TACC1: variants seen among roughly 807,000 people sequenced by gnomAD.
TACC1 encodes the protein transforming acidic coiled-coil containing protein 1.
Under a neutral mutation model 84.4 loss-of-function variants are expected in TACC1, and 48 were observed. The ratio of observed to expected loss-of-function variants is 0.57; its 90% CI spans 0.45 to 0.72. The LOEUF (loss-of-function observed/expected upper bound fraction) is 0.72, where lower values mean the gene tolerates loss of function less well. Ranked by LOEUF, TACC1 falls within the 30% of genes least tolerant of loss-of-function variation. TACC1 has a pLI of 0.00. For synonymous variants in TACC1, 372 were observed against 376.3 expected, an observed-to-expected ratio of 0.99 and a Z score of 0.13; for missense variants, 920 against 973.0, an observed-to-expected ratio of 0.95 and a Z score of 0.72.
chr8:38,808,338 C>A (rs888178569), intron 2 of TACC1, among the ~76,000 whole-genome samples: 23 of 152,200 alleles, frequency 1.5e-4, no homozygotes, highest in African/African-American at 5.5e-4. Context: ...GGACCTGGAG[C>A]CTACTGAGGA....
At position 38,828,443 on chromosome 8, in the gene TACC1, A is replaced by G. The variant is rs142120933; in HGVS notation, c.1660+1068A>G. 8.6e-3 allele frequency among the ~76,000 whole-genome samples: 1,313 copies of G among 152,358 alleles called. 8 individuals carry two copies. Among genetic ancestry groups the G allele is most frequent in the Non-Finnish European group, 0.014 (946 of 68,038 alleles). ...TTACATGACATTAGAGCCTCCAGAA[A>G]TGAAGACCCAAAGGAACAGGGAAAA... On this transcript the variant is annotated intron_variant, in intron 5 of 12. Transcript: ENST00000317827.
At chr8:38,780,329 C>T (rs1815682854) in intron 3 of TACC1, among the ~76,000 whole-genome samples, 1 of 152,122 alleles carries the variant, frequency 6.6e-6, no homozygotes, top group South Asian at 2.1e-4. Flanking sequence ...CTTCCTTCTC[C>T]TTACATATTG....
In TACC1 at chr8:38,788,686, A is replaced by G. The variant is rs770338447; in HGVS notation, c.162-18A>G. 5.7e-6 allele frequency: 9 copies of G among 1,586,694 alleles called. No individual in the cohort carries two copies. The highest frequency in any genetic ancestry group is 4.5e-5 in the East Asian group (2 of 44,760). ...ATACCGTTGAAAGTGGTAATTCCTC[A>G]TTTTTCCTCCTTGGCAGCTCGGATT... is the stretch of plus-strand genomic sequence containing the variant. On this transcript the variant is annotated intron_variant, in intron 1 of 12. Coordinates refer to ENST00000317827, the MANE Select transcript of TACC1 (RefSeq NM_006283.3).
upstream of TACC1, among the ~76,000 whole-genome samples, chr8:38,785,169 C>T (rs537945406): frequency 6.6e-6 from 1 of 152,218 alleles, no homozygotes; most frequent in South Asian, 2.1e-4. Flanking sequence ...TCCAGGAATT[C>T]GCAAAGCTCC....
chr8:38,837,805 AAGCCC>A (rs1830516000), intron 7 of TACC1, among the ~76,000 whole-genome samples: 1 of 152,226 alleles, frequency 6.6e-6, no homozygotes, highest in South Asian at 2.1e-4. Context: ...CTGCCCATGC[AAGCCC>A]AGCCCAGGGC....
chr8:38,805,914 T>A (rs1343728097), intron 2 of TACC1, among the ~76,000 whole-genome samples: 2 of 152,212 alleles, frequency 1.3e-5, no homozygotes, highest in South Asian at 4.1e-4. Context: ...CCTTTGTGTG[T>A]CTTATGTGGC....
intron 1 of TACC1, among the ~76,000 whole-genome samples, chr8:38,740,788 T>G (rs1806906560): frequency 6.6e-6 from 1 of 152,168 alleles, no homozygotes. Flanking sequence ...AGGCACAGAG[T>G]CATTTTAGTG....
Position 38,827,247 on chromosome 8 carries a change from C to T in TACC1, c.1532C>T (p.Ser511Phe), listed in dbSNP as rs200725219. 8.3e-5 allele frequency: 134 copies of T among 1,614,172 alleles called. 3 individuals carry two copies. In the Middle Eastern group the frequency reaches 2.0e-3, roughly 24 times the overall value. Residue 511 changes from serine to phenylalanine, a missense_variant, in exon 5 of 13, where the codon TCC (serine) becomes TTC (phenylalanine). By Grantham distance (155) the Ser-to-Phe change is radical. This residue lies in a region of TACC1 where 762 missense variants were observed against 747.3 expected (regional missense o/e 1.02). Coordinates refer to ENST00000317827, the MANE Select transcript of TACC1 (RefSeq NM_006283.3). Reference sequence around the variant, plus strand: ...GCTACTGATGAGGAGAAACTGGCATCCACGTCATGTGGTCAGAAATCAGCT... The same window carrying T: ...GCTACTGATGAGGAGAAACTGGCATTCACGTCATGTGGTCAGAAATCAGCT... ...GHATDEEKLASTSCGQKSAGA... is the reference protein window; with the variant it reads ...GHATDEEKLAFTSCGQKSAGA...
At position 38,806,475 on chromosome 8, in the gene TACC1, T is replaced by A. The variant is rs891019117; in HGVS notation, c.278-13047T>A. Among the ~76,000 whole-genome samples, 56 of 151,486 alleles carry A rather than the reference T, an allele frequency of 3.7e-4. 1 individual carries two copies. The highest frequency in any genetic ancestry group is 5.8e-4 in the East Asian group (3 of 5,170). Reference sequence around the variant, plus strand: ...GTGTGTGTGTGTATGTGTGTGTGTGTGAGAGAGAGAGAAAGAGAGAGAGGG... The same window carrying A: ...GTGTGTGTGTGTATGTGTGTGTGTGAGAGAGAGAGAGAAAGAGAGAGAGGG... On this transcript the variant is annotated intron_variant, in intron 2 of 12. Coordinates refer to ENST00000317827, the MANE Select transcript of TACC1 (RefSeq NM_006283.3).
chr8:38,788,536 C>G, intron 1 of TACC1, 168 bp from the exon 2 acceptor site: 1 of 554,116 alleles, frequency 1.8e-6, no homozygotes, highest in South Asian at 2.3e-5. Context: ...AAGGAGGGCA[C>G]TGCTCAGAGA....
At chr8:38,731,250 G>A (rs539625142) in intron 1 of TACC1, among the ~76,000 whole-genome samples, 1 of 152,138 alleles carries the variant, frequency 6.6e-6, no homozygotes, top group Admixed American at 6.5e-5. Flanking sequence ...AGGTGGTAAG[G>A]TTCAATGGGA....
At chr8:38,834,283 A>T (rs560671013) in intron 6 of TACC1, among the ~76,000 whole-genome samples, 1 of 152,364 alleles carries the variant, frequency 6.6e-6, no homozygotes, top group Non-Finnish European at 1.5e-5. Context: ...TGGCAGAGAC[A>T]TCGGCTCCTT....
At chr8:38,810,107 CTTTT>C (rs1329903680) in intron 2 of TACC1, among the ~76,000 whole-genome samples, 1 of 151,732 alleles carries the variant, frequency 6.6e-6, no homozygotes, top group Non-Finnish European at 1.5e-5. Context: ...TCCTCTTTTT[CTTTT>C]TTTCTTTTTT....
rs1223434026 is a variant in TACC1 at position 38,820,055 on chromosome 8, T to C, written c.811T>C (p.Leu271=). The C allele has an allele frequency of 1.2e-6, 2 of 1,613,702 alleles. No individual in the cohort carries two copies. Among genetic ancestry groups the C allele is most frequent in the South Asian group, 1.1e-5 (1 of 91,056 alleles). ...KASYHFSPEE[L]DENTSPLLGD... is the part of the protein sequence containing the mutation. ...ATCCTATCACTTCAGTCCTGAAGAG[T>C]TGGATGAGAACACAAGTCCTTTGCT... Residue 271 remains leucine (L), a synonymous_variant, in exon 3 of 13, where the codon TTG becomes CTG. Coordinates refer to ENST00000317827, the MANE Select transcript of TACC1 (RefSeq NM_006283.3).
At chr8:38,749,344 A>G (rs1563252069) in intron 3 of TACC1, among the ~76,000 whole-genome samples, 1 of 152,224 alleles carries the variant, frequency 6.6e-6, no homozygotes, top group Non-Finnish European at 1.5e-5. Context: ...AACATTTATG[A>G]AAAAATAATA....
In TACC1 at chr8:38,744,351, G is replaced by A. The variant is rs547455364; in HGVS notation, c.-573-544G>A. On this transcript the variant is annotated intron_variant, in intron 2 of 14. Coordinates refer to the TACC1 transcript ENST00000518415. ...GGCTGGTTTCGAACTCCTGACCTCA[G>A]GTGATCCACCCGTCTCAGCCTCCCA... Among the ~76,000 whole-genome samples the A allele has an allele frequency of 2.1e-3, 326 of 152,192 alleles. 2 individuals carry two copies. The highest frequency in any genetic ancestry group is 7.4e-3 in the African/African-American group (306 of 41,520).
intron 2 of TACC1, among the ~76,000 whole-genome samples, chr8:38,796,153 G>T (rs545098952): frequency 1.3e-5 from 2 of 152,280 alleles, no homozygotes; most frequent in South Asian, 4.1e-4. Context: ...CATCTTGTTT[G>T]ATTTTTATGA....
At chr8:38,745,529 C>A in intron 3 of TACC1, 2 of 680,892 alleles carry the variant, frequency 2.9e-6, no homozygotes, top group Non-Finnish European at 5.3e-6. Flanking sequence ...TGTTTTTTTT[C>A]TGTTTGTTTG....
chr8:38,734,013 G>A (rs1450254467), intron 1 of TACC1, among the ~76,000 whole-genome samples: 9 of 152,030 alleles, frequency 5.9e-5, no homozygotes, highest in Non-Finnish European at 1.3e-4. Context: ...CAGTCATTGC[G>A]CAGGGTCCTA....
Sources: gnomAD v4.1 joint callset for allele counts (sites outside exome capture counted in the v4.1 genomes callset) on GRCh38, gnomAD v4.1.1 for gene constraint, gnomAD v4.1.1 regional missense constraint, MANE v1.5 for transcripts, NCBI Gene and HGNC (gene_info 2026-07-23, HGNC 2026-07-21) for gene names.